The following TNKS2 variants were observed in gnomAD, a reference collection of about 807,000 sequenced individuals.
TNKS2 encodes tankyrase 2, also known as poly [ADP-ribose] polymerase tankyrase-2.
Under a neutral mutation model 137.6 loss-of-function variants are expected in TNKS2, and 72 were observed. The observed-to-expected ratio is 0.52, with a 90% CI of 0.43 to 0.64. TNKS2 has a LOEUF of 0.64. TNKS2 is among the 30% of genes least tolerant of loss of function. The pLI, the probability that TNKS2 is intolerant of heterozygous loss-of-function variation, is 0.00. For missense variants in TNKS2, 1,049 were observed against 1,410.2 expected (o/e 0.74, Z 4.10); for synonymous variants, 516 against 512.1 (o/e 1.01, Z -0.10).
At chr10:91,805,335 C>A (rs1296457325) in intron 1 of TNKS2, among the ~76,000 whole-genome samples, 1 of 152,192 alleles carries the variant, frequency 6.6e-6, no homozygotes, top group African/African-American at 2.4e-5. Context: ...ACTAGGGAAT[C>A]ATGTTGATAC....
At chr10:91,803,972 T>A (rs1844251545) in intron 1 of TNKS2, among the ~76,000 whole-genome samples, 1 of 152,180 alleles carries the variant, frequency 6.6e-6, no homozygotes, top group Non-Finnish European at 1.5e-5. Context: ...TTGGTTTCTC[T>A]GTAGGAACTT....
At chr10:91,814,960 AG>A (rs1326966983) in intron 2 of TNKS2, among the ~76,000 whole-genome samples, 2 of 152,260 alleles carry the variant, frequency 1.3e-5, no homozygotes, top group Admixed American at 6.5e-5. Flanking sequence ...GAAACTGTAA[AG>A]TAACCCAGGT....
chr10:91,835,238 G>A (rs2133642019), intron 12 of TNKS2, among the ~76,000 whole-genome samples: 1 of 150,042 alleles, frequency 6.7e-6, no homozygotes, highest in South Asian at 2.1e-4. Flanking sequence ...TTATGAGTAA[G>A]TTTGAACATA....
At chr10:91,841,257 A>G in intron 14 of TNKS2, 26 bp from the exon 15 acceptor site, 1 of 1,490,240 alleles carries the variant, frequency 6.7e-7, no homozygotes, top group Non-Finnish European at 8.9e-7. Flanking sequence ...CTTCTGTGGC[A>G]TTATTGTTCA....
In TNKS2 at chr10:91,805,322, A is replaced by G. The variant is rs570166950; in HGVS notation, c.199+6433A>G. On this transcript the variant is annotated intron_variant, in intron 1 of 26. Coordinates refer to ENST00000371627, the MANE Select transcript of TNKS2 (RefSeq NM_025235.4). ...CACCAGACTGGTTTCAGACATCTTA[A>G]TGACTAGGGAATCATGTTGATACAG... is the stretch of plus-strand genomic sequence containing the variant. 2.6e-5 allele frequency among the ~76,000 whole-genome samples: 4 copies of G among 152,304 alleles called. No individual in the cohort carries two copies. In the South Asian group the frequency reaches 8.3e-4, roughly 32 times the overall value.
At chr10:91,861,639 T>TA (rs1446567683) in intron 25 of TNKS2, among the ~76,000 whole-genome samples, 1 of 152,184 alleles carries the variant, frequency 6.6e-6, no homozygotes, top group Non-Finnish European at 1.5e-5. Flanking sequence ...GTTAATTAGA[T>TA]ATGTGTCCAA....
At chr10:91,799,078 T>C (rs1389033591) in intron 1 of TNKS2, among the ~76,000 whole-genome samples, 189 bp downstream of exon 1, 2 of 151,964 alleles carry the variant, frequency 1.3e-5, no homozygotes, top group African/African-American at 4.8e-5. Context: ...TCGCTGGAAG[T>C]TTTTTGTTTT....
intron 1 of TNKS2, among the ~76,000 whole-genome samples, chr10:91,807,860 G>A (rs1404419271): frequency 6.6e-6 from 1 of 152,062 alleles, no homozygotes; most frequent in Non-Finnish European, 1.5e-5. Context: ...GCCAGGCGTG[G>A]TGGCGGGCAC....
chr10:91,852,959 A>C (rs1487367217), intron 21 of TNKS2, among the ~76,000 whole-genome samples: 1 of 152,228 alleles, frequency 6.6e-6, no homozygotes, highest in Non-Finnish European at 1.5e-5. Context: ...TGTAAGATAA[A>C]GAGGAGGGAA....
intron 1 of TNKS2, among the ~76,000 whole-genome samples, chr10:91,808,969 A>G (rs2133592868): frequency 6.6e-6 from 1 of 152,272 alleles, no homozygotes; most frequent in Non-Finnish European, 1.5e-5. Flanking sequence ...TCACTCTTCC[A>G]TTACTGAGGC....
In TNKS2 at chr10:91,848,740, A is replaced by G. The variant is rs911730103; in HGVS notation, c.2611+105A>G. On this transcript the variant is annotated intron_variant, in intron 19 of 26. Transcript: ENST00000371627. The stretch of plus-strand genomic sequence containing the variant: ...TTAACCTTAAATACAAGGTATTAGT[A>G]TAAAATTAGTTAACATAGCCTTAAA... The G allele has an allele frequency of 2.0e-5, 27 of 1,341,124 alleles. No individual in the cohort carries two copies. In the African/African-American group the frequency reaches 3.7e-4, roughly 18 times the overall value. 83.1% of individuals were successfully genotyped at this position (1,341,124 alleles called of 1,614,324 possible). A position where few individuals can be genotyped will look rare whatever the true frequency, so the allele number is the denominator to read the frequency against.
chr10:91,853,589 ATCAAG>A (rs1285175125), intron 21 of TNKS2, among the ~76,000 whole-genome samples: 18 of 152,204 alleles, frequency 1.2e-4, no homozygotes, highest in Admixed American at 1.2e-3. Flanking sequence ...CATTCAATGC[ATCAAG>A]TCAATAGATG....
intron 21 of TNKS2, among the ~76,000 whole-genome samples, chr10:91,851,568 T>C (rs556272701): frequency 2.6e-5 from 4 of 152,210 alleles, no homozygotes; most frequent in Non-Finnish European, 5.9e-5. Flanking sequence ...TTCAGAAATT[T>C]GGGAATTGTT....
At position 91,798,651 on chromosome 10, in the gene TNKS2, G is replaced by A; in HGVS notation, c.-40G>A. 8.2e-7 allele frequency: 1 copy of A among 1,217,540 alleles called. No homozygotes were observed. Among genetic ancestry groups the A allele is most frequent in the East Asian group, 3.3e-5 (1 of 29,916 alleles). 75.4% of individuals were successfully genotyped at this position (1,217,540 alleles called of 1,614,324 possible). A position where few individuals can be genotyped will look rare whatever the true frequency, so the allele number is the denominator to read the frequency against. On this transcript the variant is annotated 5_prime_UTR_variant, in exon 1 of 27. Transcript: ENST00000371627. ...TCGCGGGGCCGGGGCTCCTGCTCCGGTTGCTGGCGCTGTTGCTGGCTGTGG... is the reference window on the plus strand; with the variant it reads ...TCGCGGGGCCGGGGCTCCTGCTCCGATTGCTGGCGCTGTTGCTGGCTGTGG...
intron 4 of TNKS2, 46 bp from the exon 5 acceptor site, chr10:91,819,436 C>T (rs1286205075): frequency 1.3e-6 from 2 of 1,482,120 alleles, no homozygotes; most frequent in South Asian, 2.7e-5. Context: ...TCTTGAGGAA[C>T]ATCTGATGAA....
At chr10:91,819,578 GTT>G (rs1357588043) in intron 5 of TNKS2, 21 bp downstream of exon 5, 1 of 1,550,446 alleles carries the variant, frequency 6.4e-7, no homozygotes, top group Non-Finnish European at 8.7e-7. Flanking sequence ...TTGCAACTGA[GTT>G]TGTGCTTATC....
intron 6 of TNKS2, among the ~76,000 whole-genome samples, chr10:91,821,046 T>A (rs1246718285): frequency 6.6e-6 from 1 of 152,104 alleles, no homozygotes; most frequent in East Asian, 1.9e-4. Context: ...TTATTTTATT[T>A]TATTTTTTTT....
intron 3 of TNKS2, among the ~76,000 whole-genome samples, chr10:91,818,069 C>T (rs1262574668): frequency 5.9e-5 from 9 of 152,226 alleles, no homozygotes; most frequent in Non-Finnish European, 1.5e-5. Flanking sequence ...GAAAAGACTT[C>T]TAGAAGTGTG....
At chr10:91,807,474 G>A (rs1355929951) in intron 1 of TNKS2, 5 of 1,588,696 alleles carry the variant, frequency 3.1e-6, no homozygotes, top group Non-Finnish European at 4.3e-6. Context: ...GAGAAGCAAG[G>A]CCTCAGAACC....
Sources: allele counts gnomAD v4.1 joint callset (sites outside exome capture counted in the v4.1 genomes callset), GRCh38; gene constraint gnomAD v4.1.1; transcripts MANE v1.5; gene names NCBI Gene and HGNC (gene_info 2026-07-23, HGNC 2026-07-21).